FAM227B: variants seen among roughly 807,000 people sequenced by gnomAD.
FAM227B encodes protein FAM227B.
Under a neutral mutation model 73.8 loss-of-function variants are expected in FAM227B, and 88 were observed. The observed-to-expected ratio is 1.19, with a 90% confidence interval of 1.00 to 1.42. FAM227B has a LOEUF of 1.42. Ranked by LOEUF, FAM227B falls within the 40% of genes most tolerant of loss-of-function variation. The pLI is 0.00. For synonymous variants in FAM227B, 210 were observed against 190.5 expected, an observed-to-expected ratio of 1.10 and a Z score of -0.84; for missense variants, 632 against 590.9, an observed-to-expected ratio of 1.07 and a Z score of -0.72.
At chr15:49,609,141 G>A (rs2153326064) in intron 3 of FAM227B, among the ~76,000 whole-genome samples, 1 of 151,758 alleles carries the variant, frequency 6.6e-6, no homozygotes, top group South Asian at 2.1e-4. Flanking sequence ...AGCTGACACT[G>A]ATACAACAAT....
chr15:49,572,704 G>A (rs2075191135), intron 8 of FAM227B, among the ~76,000 whole-genome samples: 1 of 151,926 alleles, frequency 6.6e-6, no homozygotes, highest in South Asian at 2.1e-4. Context: ...TAGAAACTGA[G>A]GTATATAATA....
At chr15:49,524,945 G>A (rs1487019677) in intron 10 of FAM227B, among the ~76,000 whole-genome samples, 1 of 152,180 alleles carries the variant, frequency 6.6e-6, no homozygotes, top group Admixed American at 6.5e-5. Context: ...TTGTATCTAG[G>A]AAGTAACTAA....
chr15:49,585,353 A>G lies in FAM227B; in HGVS notation c.405+2663T>C, dbSNP rs1434184479. Among the ~76,000 whole-genome samples, 5 of 152,354 alleles carry G rather than the reference A, an allele frequency of 3.3e-5. No homozygotes were observed. The East Asian group carries it at 5.8e-4, about 18-fold the overall frequency. ...CATCCCATTACTGGGTATATACCCAAAGGATTATAAATCATGCTGCTATAA... is the reference window on the plus strand; with the variant it reads ...CATCCCATTACTGGGTATATACCCAGAGGATTATAAATCATGCTGCTATAA... On this transcript the variant is annotated intron_variant, in intron 5 of 15. Coordinates refer to ENST00000299338, the MANE Select transcript of FAM227B (RefSeq NM_152647.3).
chr15:49,573,470 G>T (rs2075252730), intron 8 of FAM227B, among the ~76,000 whole-genome samples: 1 of 152,192 alleles, frequency 6.6e-6, no homozygotes, highest in Non-Finnish European at 1.5e-5. Flanking sequence ...CAATGCAGTG[G>T]TGTTGGGAGA....
Position 49,620,730 on chromosome 15 carries a change from A to G in FAM227B, c.-103T>C, listed in dbSNP as rs917789666. ...CTACGCCTTGACAGTATGTTTCGAG[A>G]ACCGCTTCCCAATTTTGTTGTCCCA... On this transcript the variant is annotated 5_prime_UTR_variant, in exon 1 of 16. Coordinates refer to ENST00000299338, the MANE Select transcript of FAM227B (RefSeq NM_152647.3). The G allele has an allele frequency of 6.6e-6, 1 of 152,246 alleles. No individual in the cohort carries two copies. The highest frequency in any genetic ancestry group is 1.5e-5 in the Non-Finnish European group (1 of 68,046). The allele number at this position is 152,246 out of a possible 1,614,324, so 9.4% of individuals were successfully genotyped here. A position where few individuals can be genotyped will look rare whatever the true frequency, so the allele number is the denominator to read the frequency against.
In FAM227B at chr15:49,384,868, T is replaced by C. The variant is rs534208974; in HGVS notation, c.1013-13469A>G. Among the ~76,000 whole-genome samples, 26 of 152,190 alleles carry C rather than the reference T, an allele frequency of 1.7e-4. 1 individual carries two copies. In the South Asian group the frequency reaches 5.4e-3, roughly 32 times the overall value. On this transcript the variant is annotated intron_variant, in intron 11 of 15. Coordinates refer to ENST00000299338, the MANE Select transcript of FAM227B (RefSeq NM_152647.3). ...ATAATTACTTTGACAAGATTTTTAA[T>C]TGATTGGGACATTTATTGGAACAAT...
At chr15:49,578,237 G>A (rs143071193) in intron 5 of FAM227B, among the ~76,000 whole-genome samples, 20 of 152,316 alleles carry the variant, frequency 1.3e-4, no homozygotes, top group African/African-American at 4.6e-4. Context: ...TTTCTCAGAA[G>A]AGGAAGTTCT....
chr15:49,332,706 G>A (rs1430221062), intron 14 of FAM227B, among the ~76,000 whole-genome samples: 1 of 152,190 alleles, frequency 6.6e-6, no homozygotes, highest in African/African-American at 2.4e-5. Flanking sequence ...ATTTTTCCAT[G>A]AAATTGGCAG....
At chr15:49,543,378 G>A (rs762338129) in intron 9 of FAM227B, among the ~76,000 whole-genome samples, 6 of 152,008 alleles carry the variant, frequency 3.9e-5, no homozygotes, top group African/African-American at 1.2e-4. Context: ...TTGCTGATTC[G>A]TTTGAGTTTC....
intron 13 of FAM227B, among the ~76,000 whole-genome samples, chr15:49,355,139 A>G (rs2042920521): frequency 6.6e-6 from 1 of 151,710 alleles, no homozygotes; most frequent in Non-Finnish European, 1.5e-5. Flanking sequence ...AAAGATGGGG[A>G]AAAAACAGAA....
Position 49,479,599 on chromosome 15 carries a change from G to GTTT in FAM227B, c.1012+28609_1012+28611dup, listed in dbSNP as rs56097665. 3.8e-4 allele frequency among the ~76,000 whole-genome samples: 24 copies of GTTT among 63,322 alleles called. 3 individuals are homozygous for GTTT. Among genetic ancestry groups the GTTT allele is most frequent in the East Asian group, 2.0e-3 (4 of 2,044 alleles). The allele number at this position is 63,322 out of a possible 152,430, so 41.5% of individuals were successfully genotyped here. On this transcript the variant is annotated intron_variant, in intron 11 of 15. Coordinates refer to ENST00000299338, the MANE Select transcript of FAM227B (RefSeq NM_152647.3). ...GTAGGATTTCATAGTTAATACCTCT[G>GTTT]TTTTTTTTTTTTTTTTTTTTTTTTT...
intron 11 of FAM227B, among the ~76,000 whole-genome samples, chr15:49,438,124 G>T (rs1345251565): frequency 6.6e-6 from 1 of 151,618 alleles, no homozygotes; most frequent in Non-Finnish European, 1.5e-5. Flanking sequence ...AAGATAGGAA[G>T]TAGGAAGAGA....
chr15:49,602,318 C>T (rs966643061), intron 3 of FAM227B, among the ~76,000 whole-genome samples: 2 of 152,042 alleles, frequency 1.3e-5, no homozygotes, highest in African/African-American at 4.8e-5. Context: ...TATTGCCTGT[C>T]TTTTGGATAT....
chr15:49,436,875 G>T (rs2051154556), intron 11 of FAM227B, among the ~76,000 whole-genome samples: 2 of 151,508 alleles, frequency 1.3e-5, no homozygotes, highest in Admixed American at 1.3e-4. Context: ...ACAAATAACT[G>T]AAGTTTTCTT....
intron 6 of FAM227B, chr15:49,577,300 C>T (rs1188889248): frequency 6.1e-6 from 2 of 328,838 alleles, no homozygotes; most frequent in African/African-American, 2.2e-5. Flanking sequence ...CCATTCCCCA[C>T]ACCCCCTGCA....
chr15:49,411,190 G>C (rs1157987138), intron 11 of FAM227B, among the ~76,000 whole-genome samples: 3 of 151,910 alleles, frequency 2.0e-5, no homozygotes, highest in Admixed American at 2.0e-4. Flanking sequence ...TAAATATTTG[G>C]TATCACCAGG....
intron 11 of FAM227B, among the ~76,000 whole-genome samples, chr15:49,399,143 G>A (rs368382294): frequency 3.4e-5 from 5 of 147,668 alleles, no homozygotes; most frequent in East Asian, 3.9e-4. Flanking sequence ...TCAAGTAGAC[G>A]CAATAAAAAA....
At chr15:49,406,522 C>T (rs572337006) in intron 11 of FAM227B, among the ~76,000 whole-genome samples, 1 of 152,022 alleles carries the variant, frequency 6.6e-6, no homozygotes, top group East Asian at 1.9e-4. Context: ...CTGCTGTTCT[C>T]CATGCTTAGC....
At chr15:49,543,823 ATTT>A (rs2071428902) in intron 9 of FAM227B, among the ~76,000 whole-genome samples, 1 of 152,022 alleles carries the variant, frequency 6.6e-6, no homozygotes, top group Admixed American at 6.6e-5. Context: ...ATTTGGCTTT[ATTT>A]CAGTGTTTTC....
Sources: gnomAD v4.1 joint callset for allele counts (sites outside exome capture counted in the v4.1 genomes callset) on GRCh38, gnomAD v4.1.1 for gene constraint, MANE v1.5 for transcripts, NCBI Gene and HGNC (gene_info 2026-07-23, HGNC 2026-07-21) for gene names.